The following ARHGEF2 variants were observed in gnomAD, a reference collection of about 807,000 sequenced individuals.
The protein encoded by ARHGEF2 is rho guanine nucleotide exchange factor 2.
ARHGEF2 carries 22 observed loss-of-function variants against 121.0 expected under a neutral mutation model. That is an observed-to-expected ratio of 0.18 (90% CI 0.13 to 0.26). ARHGEF2 has a LOEUF of 0.26. ARHGEF2 is among the 10% of genes least tolerant of loss of function. The probability of loss-of-function intolerance (pLI) is 1.00; values close to 1 mark genes in which losing one functional copy is unlikely to be tolerated. For missense variants in ARHGEF2, 907 were observed against 1,336.0 expected (o/e 0.68, Z 5.01); for synonymous variants, 487 against 530.0 (o/e 0.92, Z 1.11).
Position 155,961,644 on chromosome 1 carries a change from T to A in ARHGEF2, c.1468+17A>T, listed in dbSNP as rs1340567295. The A allele has an allele frequency of 1.3e-6, 2 of 1,598,880 alleles. No individual in the cohort carries two copies. The highest frequency in any genetic ancestry group is 1.7e-6 in the Non-Finnish European group (2 of 1,173,538). On this transcript the variant is annotated intron_variant, in intron 11 of 21. Coordinates refer to ENST00000361247, the MANE Select transcript of ARHGEF2 (RefSeq NM_001162383.2). This position sits in a 1 kb window ranked among gnomAD's most constrained non-coding sequence, Gnocchi z 4.7. ...TCTGACTTTGAATTCCTGCCTAGTC[T>A]GCCGAGCAGGTCTGACCTTTGAAGC...
rs370157169 is a variant in ARHGEF2 at position 155,965,259 on chromosome 1, C to G, written c.580+44G>C. 6.2e-7 allele frequency: 1 copy of G among 1,608,402 alleles called. No individual in the cohort carries two copies. Among genetic ancestry groups the G allele is most frequent in the Admixed American group, 1.7e-5 (1 of 59,976 alleles). On this transcript the variant is annotated intron_variant, in intron 6 of 21. Coordinates refer to ENST00000361247, the MANE Select transcript of ARHGEF2 (RefSeq NM_001162383.2). This position sits in a 1 kb window ranked among gnomAD's most constrained non-coding sequence, Gnocchi z 6.0. ...CCACCAGCCTCTCATCCCCCAGCCC[C>G]TCTTCATGTTCCTCAGGGCTCCCCT...
At chr1:155,976,223 C>T (rs1169503974) in intron 1 of ARHGEF2, among the ~76,000 whole-genome samples, 6 of 151,864 alleles carry the variant, frequency 4.0e-5, no homozygotes, top group Admixed American at 3.3e-4. Context: ...CTACTTCCCA[C>T]CACAGTATAA....
At chr1:155,970,448 T>C in intron 1 of ARHGEF2, 1 of 985,498 alleles carries the variant, frequency 1.0e-6, no homozygotes, top group Non-Finnish European at 1.2e-6. Flanking sequence ...CTCTGATCTC[T>C]GGATTTTCCC....
rs769947243 is a variant in ARHGEF2, at chr1:155,951,511, T to C, written c.2231A>G (p.Asn744Ser). 6.2e-6 allele frequency: 10 copies of C among 1,614,172 alleles called. No homozygotes were observed. Among genetic ancestry groups the C allele is most frequent in the African/African-American group, 1.3e-5 (1 of 75,030 alleles). ...PQEEALQRLV[N>S]LYGLLHGLQA... ...TAGGCCATGTAGAAGTCCATAGAGA[T>C]TGACCAATCGCTGTAACGCCTCCTG... is the stretch of plus-strand genomic sequence containing the variant. The change falls in exon 19 of 22, where the codon AAT becomes AGT. Residue 744 changes from asparagine (N) to serine (S), a missense_variant. Physicochemically the swap from Asn to Ser is conservative, Grantham distance 46. Transcript: ENST00000361247. This position sits in a 1 kb window ranked among gnomAD's most constrained non-coding sequence, Gnocchi z 5.1.
intron 11 of ARHGEF2, among the ~76,000 whole-genome samples, chr1:155,959,890 T>C (rs1316012780): frequency 6.6e-6 from 1 of 152,134 alleles, no homozygotes; most frequent in Non-Finnish European, 1.5e-5. Context: ...TTCTAATATC[T>C]AACTAAGGAA....
In ARHGEF2 at chr1:155,966,890, G is replaced by A; in HGVS notation, c.209-3C>T. 6.2e-7 allele frequency: 1 copy of A among 1,613,568 alleles called. No homozygotes were observed. The highest frequency in any genetic ancestry group is 8.5e-7 in the Non-Finnish European group (1 of 1,179,774). Reference sequence around the variant, plus strand: ...GTTGTGGATAGTCACATTGCAGGCTGGGAGGGTGGGGTAGAGAGGGTGAAG... The same window carrying A: ...GTTGTGGATAGTCACATTGCAGGCTAGGAGGGTGGGGTAGAGAGGGTGAAG... On this transcript the variant is annotated splice_region_variant and splice_polypyrimidine_tract_variant and intron_variant, in intron 2 of 21. Coordinates refer to ENST00000361247, the MANE Select transcript of ARHGEF2 (RefSeq NM_001162383.2).
intron 1 of ARHGEF2, chr1:155,972,201 CCA>C (rs1376254148): frequency 1.3e-5 from 6 of 459,348 alleles, no homozygotes; most frequent in African/African-American, 1.2e-4. Context: ...CATCAATGCT[CCA>C]CAGACAGCCC....
chr1:155,958,854 C>T (rs1285235733), intron 11 of ARHGEF2, among the ~76,000 whole-genome samples: 1 of 143,948 alleles, frequency 6.9e-6, no homozygotes, highest in Non-Finnish European at 1.5e-5. Flanking sequence ...GCTGGGATTA[C>T]AGATATGAGC....
At chr1:155,968,948 T>G in intron 2 of ARHGEF2, 1 of 589,934 alleles carries the variant, frequency 1.7e-6, no homozygotes, top group Non-Finnish European at 2.9e-6. Flanking sequence ...CATTCCCAGA[T>G]AGTCCGGCTT....
At position 155,961,926 on chromosome 1, in the gene ARHGEF2, G is replaced by A; in HGVS notation, c.1220-17C>T. ...CCTCGATCCCTGGCACCGGGGGTTG[G>A]CATGGGGAACGGCTCAACCAGTTTC... On this transcript the variant is annotated splice_polypyrimidine_tract_variant and intron_variant, in intron 10 of 21. Coordinates refer to ENST00000361247, the MANE Select transcript of ARHGEF2 (RefSeq NM_001162383.2). The surrounding 1 kb of genome is among the most constrained non-coding windows in gnomAD (Gnocchi z 4.7). The A allele has an allele frequency of 6.2e-7, 1 of 1,613,178 alleles. No individual in the cohort carries two copies. The highest frequency in any genetic ancestry group is 2.2e-5 in the East Asian group (1 of 44,870).
chr1:155,972,897 T>C (rs1572194397), intron 1 of ARHGEF2, among the ~76,000 whole-genome samples: 2 of 152,046 alleles, frequency 1.3e-5, no homozygotes, highest in Middle Eastern at 6.8e-3. Flanking sequence ...AGAGACAGCG[T>C]CTTGCTATGT....
intron 1 of ARHGEF2, chr1:155,970,132 G>A (rs1284932730): frequency 2.5e-5 from 25 of 985,402 alleles, no homozygotes; most frequent in Non-Finnish European, 3.0e-5. Context: ...ACCTAGGAGA[G>A]TTTCCTCTAT....
intron 1 of ARHGEF2, chr1:155,977,963 C>T (rs1011373502): frequency 7.9e-6 from 4 of 506,162 alleles, no homozygotes; most frequent in Non-Finnish European, 1.0e-5. Flanking sequence ...GGGGTCGCCA[C>T]GCCAAGCCCA....
chr1:155,952,478 C>T (rs1557998708), intron 15 of ARHGEF2, 150 bp downstream of exon 15: 3 of 1,029,364 alleles, frequency 2.9e-6, no homozygotes, highest in Non-Finnish European at 4.2e-6. Context: ...CTGCCTTTCC[C>T]AGGAACTGGC....
chr1:155,964,908 AAG>A, intron 7 of ARHGEF2, 78 bp downstream of exon 7: 9 of 1,468,500 alleles, frequency 6.1e-6, no homozygotes, highest in East Asian at 4.7e-5. Flanking sequence ...AAAAAAAAAA[AAG>A]AAAAAGAAAA....
intron 1 of ARHGEF2, 77 bp from the exon 2 acceptor site, chr1:155,969,377 G>C: frequency 6.3e-7 from 1 of 1,581,904 alleles, no homozygotes; most frequent in Non-Finnish European, 8.6e-7. Context: ...GACAGGCTGG[G>C]GGCAGAGGCA....
rs1230235319 is a variant in ARHGEF2 at position 155,947,226 on chromosome 1, C to T, written c.*716G>A. 2 of 387,420 alleles carry T rather than the reference C, an allele frequency of 5.2e-6. No homozygotes were observed. The highest frequency in any genetic ancestry group is 4.2e-5 in the African/African-American group (2 of 47,296). The allele number at this position is 387,420 out of a possible 1,614,324, so 24.0% of individuals were successfully genotyped here. A position where few individuals can be genotyped will look rare whatever the true frequency, so the allele number is the denominator to read the frequency against. On this transcript the variant is annotated 3_prime_UTR_variant, in exon 22 of 22. Transcript: ENST00000361247. ...TACGATCTCTTAAAAATATAAAACA[C>T]GTGCAGTTGACTTTGGTACAAAAAA...
intron 4 of ARHGEF2, 24 bp downstream of exon 4, chr1:155,966,392 C>T (rs771088257): frequency 4.3e-6 from 7 of 1,613,092 alleles, no homozygotes; most frequent in Non-Finnish European, 5.9e-6. Flanking sequence ...CTTAGGGGAC[C>T]TCCTCCACTC....
upstream of ARHGEF2, chr1:155,978,567 A>T: frequency 1.6e-6 from 2 of 1,273,750 alleles, no homozygotes; most frequent in Non-Finnish European, 2.0e-6. The surrounding 1 kb of genome is among the most constrained non-coding windows in gnomAD (Gnocchi z 4.1). Flanking sequence ...GGCACCCAGC[A>T]CCAGTTCCTC....
Sources: allele counts gnomAD v4.1 joint callset (sites outside exome capture counted in the v4.1 genomes callset), GRCh38; gene constraint gnomAD v4.1.1; non-coding constraint Gnocchi (gnomAD v3.1); transcripts MANE v1.5; gene names NCBI Gene and HGNC (gene_info 2026-07-23, HGNC 2026-07-21).